Variants in PKHD1 observed in about 807,000 individuals in gnomAD.
PKHD1 encodes PKHD1 ciliary IPT domain containing fibrocystin/polyductin.
PKHD1 carries 291 observed loss-of-function variants against 412.0 expected under a neutral mutation model. That is an observed-to-expected ratio of 0.71 (90% CI 0.64 to 0.78). The LOEUF is 0.78. Ranked by LOEUF, PKHD1 falls within the 30% of genes least tolerant of loss-of-function variation. The pLI, the probability that PKHD1 is intolerant of heterozygous loss-of-function variation, is 0.00. For missense variants in PKHD1, 4,825 were observed against 4,950.7 expected, an observed-to-expected ratio of 0.97 and a Z score of 0.76; for synonymous variants, 1,777 against 1,821.5, an observed-to-expected ratio of 0.98 and a Z score of 0.62.
intron 35 of PKHD1, among the ~76,000 whole-genome samples, chr6:52,000,086 A>C (rs961948464): frequency 8.5e-5 from 13 of 152,242 alleles, no homozygotes; most frequent in Middle Eastern, 3.2e-3. Flanking sequence ...TTTCTCGCAC[A>C]TGAAGAATTA....
At chr6:52,070,305 A>G in intron 10 of PKHD1, 101 bp downstream of exon 10, 2 of 825,478 alleles carry the variant, frequency 2.4e-6, no homozygotes, top group Non-Finnish European at 4.2e-6. Flanking sequence ...TATATGTTTA[A>G]CATTTTCCGT....
At position 51,941,105 on chromosome 6, in the gene PKHD1, C is replaced by T. The variant is rs1315409964; in HGVS notation, c.5909-6783G>A. Among the ~76,000 whole-genome samples the T allele has an allele frequency of 4.0e-5, 6 of 151,136 alleles. 1 individual carries two copies. The highest frequency in any genetic ancestry group is 7.4e-5 in the Non-Finnish European group (5 of 67,572). On this transcript the variant is annotated intron_variant, in intron 36 of 66. Transcript: ENST00000371117. ...TAAGACACCTCTACTCCCTCCTTGG[C>T]GACTGATCATGCACCCTTTACCATC... is the stretch of plus-strand genomic sequence containing the variant.
Position 51,912,500 on chromosome 6 carries a change from A to C in PKHD1, c.6198T>G (p.Asp2066Glu). ...HALDTVLALE[D>E]AVDWNPGDEV... ...CATCCCCAGGGTTCCAGTCCACAGC[A>C]TCTTCTAAAGCCAGCACTGTGTCTA... The change falls in exon 38 of 67, where the codon GAT becomes GAG. Residue 2066 changes from aspartate (D) to glutamate (E), a missense_variant. By Grantham distance (45) the Asp-to-Glu change is conservative. Transcript: ENST00000371117. 6.2e-7 allele frequency: 1 copy of C among 1,613,360 alleles called. No homozygotes were observed. The highest frequency in any genetic ancestry group is 8.5e-7 in the Non-Finnish European group (1 of 1,179,450).
intron 35 of PKHD1, among the ~76,000 whole-genome samples, chr6:51,982,891 A>T (rs9395752): frequency 6.6e-5 from 3 of 45,236 alleles, no homozygotes; most frequent in South Asian, 6.3e-4. Context: ...AAAATAAAAT[A>T]AAAAAAAGAG....
chr6:52,030,486 T>C (rs907391869), intron 29 of PKHD1, among the ~76,000 whole-genome samples: 1 of 152,102 alleles, frequency 6.6e-6, no homozygotes, highest in African/African-American at 2.4e-5. Context: ...TTCAGTGTAG[T>C]GAGTTCAAGG....
At chr6:51,830,559 T>C (rs1417607030) in intron 52 of PKHD1, among the ~76,000 whole-genome samples, 2 of 152,200 alleles carry the variant, frequency 1.3e-5, no homozygotes, top group African/African-American at 4.8e-5. Flanking sequence ...CTAGAACCTG[T>C]AAATCCATTC....
intron 35 of PKHD1, among the ~76,000 whole-genome samples, chr6:51,983,427 T>C (rs1795824095): frequency 6.6e-6 from 1 of 152,198 alleles, no homozygotes; most frequent in Non-Finnish European, 1.5e-5. Flanking sequence ...CCTTCTGCCT[T>C]AACACTTTCA....
intron 55 of PKHD1, among the ~76,000 whole-genome samples, chr6:51,760,008 C>G (rs550410566): frequency 5.3e-4 from 81 of 152,098 alleles, no homozygotes; most frequent in African/African-American, 2.0e-3. Flanking sequence ...TATTGGACCT[C>G]TAACATATGA....
chr6:51,900,545 A>C, intron 43 of PKHD1, among the ~76,000 whole-genome samples: 1 of 152,264 alleles, frequency 6.6e-6, no homozygotes, highest in African/African-American at 2.4e-5. Context: ...GACTTAAATG[A>C]TAGACCTAAA....
At chr6:51,725,258 G>C (rs1337410681) in intron 60 of PKHD1, among the ~76,000 whole-genome samples, 1 of 152,140 alleles carries the variant, frequency 6.6e-6, no homozygotes, top group Non-Finnish European at 1.5e-5. Flanking sequence ...TACGTATCTG[G>C]AATAAGGCCT....
At chr6:51,791,818 T>C (rs1793802921) in intron 52 of PKHD1, among the ~76,000 whole-genome samples, 15 of 152,218 alleles carry the variant, frequency 9.9e-5, no homozygotes, top group Admixed American at 8.5e-4. Context: ...AATAACTTTA[T>C]CTCTCTGTGC....
intron 37 of PKHD1, among the ~76,000 whole-genome samples, chr6:51,915,867 G>A (rs750627748): frequency 6.6e-6 from 1 of 152,042 alleles, no homozygotes; most frequent in Non-Finnish European, 1.5e-5. Context: ...CACATTGTGA[G>A]AACACGTAGA....
Position 51,747,112 on chromosome 6 carries a change from C to A in PKHD1, c.9830-223G>T, listed in dbSNP as rs75639656. On this transcript the variant is annotated intron_variant, in intron 58 of 66. Transcript: ENST00000371117. ...GAGAAGAGTATTTCAATACGTTAAA[C>A]CTTTAAGAGCAATATGGCTTTTCAT... Among the ~76,000 whole-genome samples, 306 of 152,214 alleles carry A rather than the reference C, an allele frequency of 2.0e-3. 4 individuals carry two copies. The highest frequency in any genetic ancestry group is 7.1e-3 in the African/African-American group (295 of 41,534).
chr6:51,652,274 T>C (rs1248693976), intron 61 of PKHD1, among the ~76,000 whole-genome samples: 1 of 152,124 alleles, frequency 6.6e-6, no homozygotes, highest in Non-Finnish European at 1.5e-5. Flanking sequence ...ATCACTCCTA[T>C]TCATGTCATT....
intron 60 of PKHD1, among the ~76,000 whole-genome samples, chr6:51,701,482 C>T (rs980054537): frequency 7.9e-5 from 12 of 152,210 alleles, no homozygotes; most frequent in East Asian, 7.7e-4. Context: ...AAATAATCCT[C>T]ATTATAAATG....
intron 63 of PKHD1, among the ~76,000 whole-genome samples, chr6:51,641,049 G>A (rs746688993): frequency 6.6e-6 from 1 of 152,168 alleles, no homozygotes; most frequent in Non-Finnish European, 1.5e-5. Context: ...CATCCCAAAT[G>A]CTTTTGGTGC....
At chr6:52,013,669 GCA>G (rs142866416) in intron 34 of PKHD1, among the ~76,000 whole-genome samples, 1 of 151,796 alleles carries the variant, frequency 6.6e-6, no homozygotes, top group Non-Finnish European at 1.5e-5. Context: ...CATACACACT[GCA>G]CACACACACA....
In PKHD1 at chr6:51,658,929, A is replaced by C. The variant is rs781235333; in HGVS notation, c.11174+23T>G. The C allele has an allele frequency of 2.6e-6, 4 of 1,530,758 alleles. No homozygotes were observed. In the South Asian group the frequency reaches 4.5e-5, roughly 17 times the overall value. The allele number at this position is 1,530,758 out of a possible 1,614,324, so 94.8% of individuals were successfully genotyped here. On this transcript the variant is annotated intron_variant, in intron 61 of 66. Transcript: ENST00000371117. ...ACCTAAAAAATCAGCCCTCATTTGG[A>C]TGTGAATATAATTAGTACTTACCCA... is the stretch of plus-strand genomic sequence containing the variant.
intron 60 of PKHD1, among the ~76,000 whole-genome samples, chr6:51,675,831 A>G (rs113366952): frequency 1.8e-4 from 28 of 152,356 alleles, no homozygotes; most frequent in Middle Eastern, 3.4e-3. Context: ...ACGATGGACA[A>G]GAACATGATA....
Sources: allele counts gnomAD v4.1 joint callset (sites outside exome capture counted in the v4.1 genomes callset), GRCh38; gene constraint gnomAD v4.1.1; transcripts MANE v1.5; gene names NCBI Gene and HGNC (gene_info 2026-07-23, HGNC 2026-07-21).